The following PCDHA3 variants were observed in gnomAD, a reference collection of about 807,000 sequenced individuals.
The protein encoded by PCDHA3 is protocadherin alpha 3, also known as protocadherin alpha-3.
In PCDHA3, 41 loss-of-function variants were observed where a neutral mutation model predicts 62.2. The observed-to-expected ratio is 0.66, with a 90% CI of 0.51 to 0.86. PCDHA3 has a LOEUF of 0.86. PCDHA3 is among the 40% of genes least tolerant of loss of function. The pLI is 0.00. For synonymous variants in PCDHA3, 640 were observed against 555.4 expected (o/e 1.15, Z -2.14); for missense variants, 1,304 against 1,241.2 (o/e 1.05, Z -0.76).
intron 1 of PCDHA3, chr5:140,929,483 G>A: frequency 8.4e-7 from 1 of 1,192,950 alleles, no homozygotes; most frequent in Non-Finnish European, 1.1e-6. Context: ...AAGTATAGAA[G>A]TATTAGAAGA....
At chr5:140,854,909 G>C (rs1295662316) in intron 1 of PCDHA3, among the ~76,000 whole-genome samples, 1 of 149,376 alleles carries the variant, frequency 6.7e-6, no homozygotes, top group Non-Finnish European at 1.5e-5. Flanking sequence ...AATATAACAG[G>C]GTTGAAAGCA....
intron 1 of PCDHA3, among the ~76,000 whole-genome samples, chr5:140,805,983 A>G (rs1056274462): frequency 3.9e-5 from 6 of 152,210 alleles, no homozygotes; most frequent in South Asian, 2.1e-4. Flanking sequence ...TTTAAAATAT[A>G]TATTCCAAAA....
At chr5:140,822,513 T>A (rs563348993) in intron 1 of PCDHA3, 1 of 1,613,844 alleles carries the variant, frequency 6.2e-7, no homozygotes, top group Non-Finnish European at 8.5e-7. Context: ...AATCCATTTA[T>A]AATGTCAGAT....
At chr5:140,824,377 T>A in intron 1 of PCDHA3, 1 of 566,840 alleles carries the variant, frequency 1.8e-6, no homozygotes, top group Non-Finnish European at 3.1e-6. Context: ...GAATTTTGCA[T>A]CTCTAAAAAT....
At chr5:140,943,516 A>T (rs1202948180) in intron 1 of PCDHA3, among the ~76,000 whole-genome samples, 1 of 152,176 alleles carries the variant, frequency 6.6e-6, no homozygotes, top group Admixed American at 6.5e-5. Context: ...GGAAATGTTG[A>T]GTTCAGTATG....
At chr5:140,857,797 G>A (rs371795952) in intron 1 of PCDHA3, 2 of 1,597,708 alleles carry the variant, frequency 1.3e-6, no homozygotes, top group Middle Eastern at 1.7e-4. Flanking sequence ...TGCTGCGGTC[G>A]GTGGTTGCGG....
chr5:140,928,892 T>C, intron 1 of PCDHA3: 1 of 1,614,198 alleles, frequency 6.2e-7, no homozygotes, highest in Non-Finnish European at 8.5e-7. Flanking sequence ...CTTCCAGACT[T>C]TGAAGATGTC....
chr5:140,924,905 AT>A (rs1216976019), intron 1 of PCDHA3, among the ~76,000 whole-genome samples: 1,708 of 55,768 alleles, frequency 0.031, 41 homozygotes, highest in African/African-American at 0.13. Flanking sequence ...AAAAAAAAAA[AT>A]AAAATAAAAT....
intron 1 of PCDHA3, chr5:140,875,737 C>G: frequency 2.5e-6 from 4 of 1,614,224 alleles, no homozygotes; most frequent in Non-Finnish European, 3.4e-6. Flanking sequence ...TGTGAATTCT[C>G]GGATCGACCG....
rs2150444436 is a variant in PCDHA3, at chr5:140,849,672, G to T, written c.2394+46081G>T. On this transcript the variant is annotated intron_variant, in intron 1 of 3. Coordinates refer to ENST00000522353, the MANE Select transcript of PCDHA3 (RefSeq NM_018906.3). The stretch of plus-strand genomic sequence containing the variant: ...GGTTACCTGCTCCCTGACGCCCCAC[G>T]TCCCCTTCAAGCTGGTGTCCACCTA... 151 of 1,598,650 alleles carry T rather than the reference G, an allele frequency of 9.4e-5. 5 individuals carry two copies. The South Asian group carries it at 1.5e-3, about 16-fold the overall frequency.
chr5:140,815,803 A>T (rs1229333055), intron 1 of PCDHA3: 1 of 152,124 alleles, frequency 6.6e-6, no homozygotes, highest in Non-Finnish European at 1.5e-5. Flanking sequence ...TTTAACTGGG[A>T]AGGTCTTTAT....
intron 1 of PCDHA3, 81 bp downstream of exon 1, chr5:140,803,672 A>G: frequency 6.3e-7 from 1 of 1,593,880 alleles, no homozygotes; most frequent in Non-Finnish European, 8.6e-7. Context: ...AAATACATTA[A>G]TAGTTAAGTA....
intron 1 of PCDHA3, chr5:140,847,633 C>T (rs2150402485): frequency 0.65 from 96,440 of 148,450 alleles, 34,032 homozygotes; most frequent in African/African-American, 0.71. Context: ...ATATTGGAGA[C>T]TACAAAGAAG....
intron 3 of PCDHA3, among the ~76,000 whole-genome samples, chr5:141,005,586 C>T (rs1428172819): frequency 6.6e-6 from 1 of 150,712 alleles, no homozygotes; most frequent in Non-Finnish European, 1.5e-5. Flanking sequence ...CCTGTAGTCC[C>T]AGCTACACAG....
chr5:140,869,320 G>A, intron 1 of PCDHA3: 1 of 1,613,846 alleles, frequency 6.2e-7, no homozygotes, highest in Non-Finnish European at 8.5e-7. Flanking sequence ...AACACATGGG[G>A]ACCTTCTGGA....
At position 140,928,541 on chromosome 5, in the gene PCDHA3, A is replaced by T. The variant is rs149868042; in HGVS notation, c.2395-50408A>T. Reference sequence around the variant, plus strand: ...AACTTGTTTGTGGTAGATAGGAATGACAATTATCCGGTTATCTTGTTTCCC... The same window carrying T: ...AACTTGTTTGTGGTAGATAGGAATGTCAATTATCCGGTTATCTTGTTTCCC... On this transcript the variant is annotated intron_variant, in intron 1 of 3. Transcript: ENST00000522353. 1,755 of 1,614,192 alleles carry T rather than the reference A, an allele frequency of 1.1e-3. 11 individuals carry two copies. In the African/African-American group the frequency reaches 0.015, roughly 13 times the overall value.
At chr5:140,843,184 G>C in intron 1 of PCDHA3, 1 of 1,596,022 alleles carries the variant, frequency 6.3e-7, no homozygotes, top group Non-Finnish European at 8.6e-7. Flanking sequence ...CTCGCATCCC[G>C]TTCCGCGTGG....
At position 140,811,987 on chromosome 5, in the gene PCDHA3, T is replaced by C. The variant is rs146475516; in HGVS notation, c.2394+8396T>C. 1.7e-3 allele frequency: 218 copies of C among 130,412 alleles called. 1 individual carries two copies. Among genetic ancestry groups the C allele is most frequent in the African/African-American group, 6.4e-3 (204 of 32,038 alleles). The allele number at this position is 130,412 out of a possible 1,614,324, so 8.1% of individuals were successfully genotyped here. A position where few individuals can be genotyped will look rare whatever the true frequency, so the allele number is the denominator to read the frequency against. Reference sequence around the variant, plus strand: ...CTGATTGTAGTTTCTTTTGAAGATTTATTTTTTACTACCATTTTTTTGTTG... The same window carrying C: ...CTGATTGTAGTTTCTTTTGAAGATTCATTTTTTACTACCATTTTTTTGTTG... On this transcript the variant is annotated intron_variant, in intron 1 of 3. Coordinates refer to ENST00000522353, the MANE Select transcript of PCDHA3 (RefSeq NM_018906.3).
chr5:140,982,677 C>T, intron 3 of PCDHA3, 114 bp downstream of exon 3: 1 of 1,439,238 alleles, frequency 6.9e-7, no homozygotes, highest in Non-Finnish European at 9.1e-7. Flanking sequence ...TTTTGTTATT[C>T]CCTTTTTTCC....
Sources: allele counts gnomAD v4.1 joint callset (sites outside exome capture counted in the v4.1 genomes callset), GRCh38; gene constraint gnomAD v4.1.1; transcripts MANE v1.5; gene names NCBI Gene and HGNC (gene_info 2026-07-23, HGNC 2026-07-21).